The following PRKAB1 variants were observed in gnomAD, a reference collection of about 807,000 sequenced individuals.
PRKAB1 encodes the protein 5'-AMP-activated protein kinase subunit beta-1.
A neutral mutation model predicts 32.0 loss-of-function variants in PRKAB1; 18 were observed. The observed-to-expected ratio is 0.56, with a 90% CI of 0.39 to 0.83. The LOEUF (loss-of-function observed/expected upper bound fraction) is 0.83, where lower values mean the gene tolerates loss of function less well. PRKAB1 is among the 40% of genes least tolerant of loss of function. The probability of loss-of-function intolerance (pLI) is 0.00; values close to 1 mark genes in which losing one functional copy is unlikely to be tolerated. For synonymous variants in PRKAB1, 141 were observed against 141.4 expected (o/e 1.00, Z 0.02); for missense variants, 263 against 352.6 (o/e 0.75, Z 2.03).
chr12:119,680,398 G>A lies in PRKAB1; in HGVS notation c.*73G>A. On this transcript the variant is annotated 3_prime_UTR_variant, in exon 7 of 7. Transcript: ENST00000229328. Reference sequence around the variant, plus strand: ...CCACACGTGCATGCTTTCCCCAAGAGGGAATGGACTGTACATTGCTCATTT... The same window carrying A: ...CCACACGTGCATGCTTTCCCCAAGAAGGAATGGACTGTACATTGCTCATTT... 1 of 1,402,768 alleles carries A rather than the reference G, an allele frequency of 7.1e-7. No individual in the cohort carries two copies. The highest frequency in any genetic ancestry group is 1.2e-5 in the South Asian group (1 of 84,724). The allele number at this position is 1,402,768 out of a possible 1,614,324, so 86.9% of individuals were successfully genotyped here.
At chr12:119,670,263 CCCAACATACCCTGTTAGTAT>C (rs1955377785) in intron 1 of PRKAB1, among the ~76,000 whole-genome samples, 1 of 152,210 alleles carries the variant, frequency 6.6e-6, no homozygotes, top group African/African-American at 2.4e-5. Flanking sequence ...CTGCCCTCTG[CCCAACATACCCTGTTAGTAT>C]CCAATTTCAT....
rs1173655879 is a variant in PRKAB1 at position 119,680,677 on chromosome 12, T to C, written c.*352T>C. 4.2e-6 allele frequency: 1 copy of C among 236,060 alleles called. No homozygotes were observed. Among genetic ancestry groups the C allele is most frequent in the East Asian group, 9.4e-5 (1 of 10,688 alleles). 14.6% of individuals were successfully genotyped at this position (236,060 alleles called of 1,614,324 possible). On this transcript the variant is annotated 3_prime_UTR_variant, in exon 7 of 7. Transcript: ENST00000229328. The stretch of plus-strand genomic sequence containing the variant: ...TTTTTCTTAAGCCAAAAATGAATGC[T>C]AACTCCTTTGCCAGTAAAATTCTGG...
Position 119,668,412 on chromosome 12 carries a change from G to C in PRKAB1, c.159+9G>C. The C allele has an allele frequency of 6.2e-7, 1 of 1,611,718 alleles. No individual in the cohort carries two copies. The highest frequency in any genetic ancestry group is 8.5e-7 in the Non-Finnish European group (1 of 1,179,076). ...ACTCCGAGGAAATCAAGGTGCGAGC[G>C]GTGTGGAGGAACCCGATTCCCCTTG... On this transcript the variant is annotated intron_variant, in intron 1 of 6. Coordinates refer to ENST00000229328, the MANE Select transcript of PRKAB1 (RefSeq NM_006253.5).
At chr12:119,669,021 G>A (rs1362600588) in intron 1 of PRKAB1, among the ~76,000 whole-genome samples, 1 of 151,740 alleles carries the variant, frequency 6.6e-6, no homozygotes, top group Non-Finnish European at 1.5e-5. Context: ...GGAGGCTGAG[G>A]CAGGAGAATG....
At position 119,668,237 on chromosome 12, in the gene PRKAB1, C is replaced by T. The variant is rs775753265; in HGVS notation, c.-8C>T. ...TCCGCCTTCCCTGTGTCCCCGCAGA[C>T]CCCCATCATGGGCAATACCAGCAGT... On this transcript the variant is annotated 5_prime_UTR_variant, in exon 1 of 7. Coordinates refer to ENST00000229328, the MANE Select transcript of PRKAB1 (RefSeq NM_006253.5). 6.3e-7 allele frequency: 1 copy of T among 1,579,460 alleles called. No homozygotes were observed. Among genetic ancestry groups the T allele is most frequent in the East Asian group, 2.3e-5 (1 of 42,980 alleles).
chr12:119,674,489 A>G lies in PRKAB1; in HGVS notation c.532+35A>G. 1.3e-6 allele frequency: 2 copies of G among 1,485,114 alleles called. No homozygotes were observed. The highest frequency in any genetic ancestry group is 1.9e-6 in the Non-Finnish European group (2 of 1,064,636). The allele number at this position is 1,485,114 out of a possible 1,614,324, so 92.0% of individuals were successfully genotyped here. ...CAGTTATTTTATACCACATGCGTGC[A>G]GGTGGGGGCTGTACAGTCTAGACAT... On this transcript the variant is annotated intron_variant, in intron 4 of 6. Coordinates refer to ENST00000229328, the MANE Select transcript of PRKAB1 (RefSeq NM_006253.5). This position sits in a 1 kb window ranked among gnomAD's most constrained non-coding sequence, Gnocchi z 4.3.
Position 119,674,477 on chromosome 12 carries a change from C to T in PRKAB1, c.532+23C>T, listed in dbSNP as rs751482535. 9.1e-6 allele frequency: 14 copies of T among 1,538,778 alleles called. No individual in the cohort carries two copies. Among genetic ancestry groups the T allele is most frequent in the Admixed American group, 1.7e-5 (1 of 59,806 alleles). On this transcript the variant is annotated intron_variant, in intron 4 of 6. Coordinates refer to ENST00000229328, the MANE Select transcript of PRKAB1 (RefSeq NM_006253.5). This position sits in a 1 kb window ranked among gnomAD's most constrained non-coding sequence, Gnocchi z 4.3. ...CTGGTATGAACACAGTTATTTTATACCACATGCGTGCAGGTGGGGGCTGTA... is the reference window on the plus strand; with the variant it reads ...CTGGTATGAACACAGTTATTTTATATCACATGCGTGCAGGTGGGGGCTGTA...
At position 119,674,051 on chromosome 12, in the gene PRKAB1, T is replaced by C; in HGVS notation, c.411T>C (p.Pro137=). The C allele has an allele frequency of 6.2e-7, 1 of 1,613,550 alleles. No individual in the cohort carries two copies. Among genetic ancestry groups the C allele is most frequent in the South Asian group, 1.1e-5 (1 of 91,026 alleles). ...FFVDGQWTHD[P]SEPIVTSQLG... is the part of the protein sequence containing the mutation. ...TGGATGGTCAGTGGACGCACGACCC[T>C]TCCGAGGTACTCTTCCTCCCACCTC... The change falls in exon 3 of 7, where the codon CCT becomes CCC. Residue 137 remains proline (P), a synonymous_variant. Transcript: ENST00000229328. The surrounding 1 kb of genome is among the most constrained non-coding windows in gnomAD (Gnocchi z 4.3).
chr12:119,673,976 T>G lies in PRKAB1; in HGVS notation c.336T>G (p.Phe112Leu), dbSNP rs1372064326. The G allele has an allele frequency of 2.5e-6, 4 of 1,613,454 alleles. No homozygotes were observed. The highest frequency in any genetic ancestry group is 3.4e-6 in the Non-Finnish European group (4 of 1,179,770). ...TTTTTCCTTGCAGCCACAATAACTT[T>G]GTAGCCATCCTGGATCTGCCGGAAG... is the stretch of plus-strand genomic sequence containing the variant. ...KLPLTRSHNN[F>L]VAILDLPEGE... The change falls in exon 3 of 7, where the codon TTT becomes TTG. Residue 112 changes from phenylalanine to leucine, a missense_variant. By Grantham distance (22) the Phe-to-Leu change is conservative. Transcript: ENST00000229328.
At position 119,679,712 on chromosome 12, in the gene PRKAB1, A is replaced by AC; in HGVS notation, c.667-219dup. 1 of 550,218 alleles carries AC rather than the reference A, an allele frequency of 1.8e-6. No individual in the cohort carries two copies. Among genetic ancestry groups the AC allele is most frequent in the Non-Finnish European group, 3.3e-6 (1 of 303,160 alleles). The allele number at this position is 550,218 out of a possible 1,614,324, so 34.1% of individuals were successfully genotyped here. ...GGTAAATGCCTGGCCAGAGACACACACCGATGCCTCCAGCAGGCATGCAGG... is the reference window on the plus strand; with the variant it reads ...GGTAAATGCCTGGCCAGAGACACACACCCGATGCCTCCAGCAGGCATGCAGG... On this transcript the variant is annotated intron_variant, in intron 5 of 6. Transcript: ENST00000229328. This position sits in a 1 kb window ranked among gnomAD's most constrained non-coding sequence, Gnocchi z 4.1.
At position 119,678,875 on chromosome 12, in the gene PRKAB1, G is replaced by A. The variant is rs1167439524; in HGVS notation, c.667-1058G>A. On this transcript the variant is annotated intron_variant, in intron 5 of 6. Transcript: ENST00000229328. ...ATTTCCTTGGAGTATCTACCCTGTA[G>A]TGGGATTGCTAGACCATGTGGTAAT... The A allele has an allele frequency of 2.0e-5, 3 of 152,220 alleles. No individual in the cohort carries two copies. In the East Asian group the frequency reaches 5.8e-4, roughly 29 times the overall value. 9.4% of individuals were successfully genotyped at this position (152,220 alleles called of 1,614,324 possible).
chr12:119,672,085 C>T (rs1010990458), intron 1 of PRKAB1, among the ~76,000 whole-genome samples: 3 of 152,182 alleles, frequency 2.0e-5, no homozygotes, highest in African/African-American at 7.2e-5. Context: ...CTGTGTCAGA[C>T]ACTATATAGA....
At chr12:119,671,587 C>T in intron 1 of PRKAB1, 1 of 316,450 alleles carries the variant, frequency 3.2e-6, no homozygotes, top group South Asian at 2.5e-5. Context: ...CAGAGAACAG[C>T]ATGGGGAAAC....
rs375579154 is a variant in PRKAB1, at chr12:119,672,403, G to A, written c.262G>A (p.Gly88Arg). 1.4e-5 allele frequency: 23 copies of A among 1,609,796 alleles called. No individual in the cohort carries two copies. The highest frequency in any genetic ancestry group is 3.3e-5 in the South Asian group (3 of 90,240). ...AACGGTGTTTCGATGGACGGGGGGC[G>A]GAAAGGAAGTTTACTTATCTGGGTC... is the stretch of plus-strand genomic sequence containing the variant. The part of the protein sequence containing the change: ...RPTVFRWTGG[G>R]KEVYLSGSFN... The change falls in exon 2 of 7, where the codon GGA becomes AGA. Residue 88 changes from glycine (G) to arginine (R), a missense_variant. Gly to Arg is a moderately radical substitution (Grantham distance 125, BLOSUM62 -2). Coordinates refer to ENST00000229328, the MANE Select transcript of PRKAB1 (RefSeq NM_006253.5).
chr12:119,680,512 G>A lies in PRKAB1; in HGVS notation c.*187G>A, dbSNP rs1955457233. On this transcript the variant is annotated 3_prime_UTR_variant, in exon 7 of 7. Transcript: ENST00000229328. The stretch of plus-strand genomic sequence containing the variant: ...CAGCTCCTGCAGCGCCTCGGTCTGT[G>A]ACAGTCCTCCTAGCACCCCCATGGC... The A allele has an allele frequency of 1.6e-6, 1 of 625,052 alleles. No individual in the cohort carries two copies. Among genetic ancestry groups the A allele is most frequent in the Admixed American group, 2.8e-5 (1 of 36,346 alleles). 38.7% of individuals were successfully genotyped at this position (625,052 alleles called of 1,614,324 possible).
In PRKAB1 at chr12:119,681,390, C is replaced by G. The variant is rs139792619; in HGVS notation, c.*1065C>G. On this transcript the variant is annotated 3_prime_UTR_variant, in exon 7 of 7. Transcript: ENST00000229328. ...AAAGCAGACTTCTTTATACGCAGCT[C>G]AGTTTCCCGGGAGTCGCCACAGATG... The G allele has an allele frequency of 2.0e-5, 3 of 152,402 alleles. No homozygotes were observed. The East Asian group carries it at 5.8e-4, about 29-fold the overall frequency. 9.4% of individuals were successfully genotyped at this position (152,402 alleles called of 1,614,324 possible). A position where few individuals can be genotyped will look rare whatever the true frequency, so the allele number is the denominator to read the frequency against.
intron 1 of PRKAB1, chr12:119,671,632 C>G (rs1431179873): frequency 3.8e-6 from 1 of 264,408 alleles, no homozygotes; most frequent in Non-Finnish European, 7.9e-6. Flanking sequence ...CTGGTCCTGC[C>G]CTTGACACGT....
At chr12:119,676,707 G>T in intron 5 of PRKAB1, 37 bp downstream of exon 5, 1 of 1,605,364 alleles carries the variant, frequency 6.2e-7, no homozygotes, top group Admixed American at 1.7e-5. Context: ...CATCCGCCGT[G>T]GGTCATGTTC....
In PRKAB1 at chr12:119,674,833, T is replaced by C. The variant is rs1401665270; in HGVS notation, c.532+379T>C. The stretch of plus-strand genomic sequence containing the variant: ...CATCCCACTTGTGGTGCCTGAAGAA[T>C]TTCAGCCTGACAGGTGTAAATGGAC... On this transcript the variant is annotated intron_variant, in intron 4 of 6. Transcript: ENST00000229328. This position sits in a 1 kb window ranked among gnomAD's most constrained non-coding sequence, Gnocchi z 4.3. Among the ~76,000 whole-genome samples the C allele has an allele frequency of 6.6e-6, 1 of 152,204 alleles. No individual in the cohort carries two copies. Among genetic ancestry groups the C allele is most frequent in the African/African-American group, 2.4e-5 (1 of 41,454 alleles).
Sources: allele counts gnomAD v4.1 joint callset (sites outside exome capture counted in the v4.1 genomes callset), GRCh38; gene constraint gnomAD v4.1.1; non-coding constraint Gnocchi (gnomAD v3.1); transcripts MANE v1.5; gene names NCBI Gene and HGNC (gene_info 2026-07-23, HGNC 2026-07-21).